EPHA5: variants seen among roughly 807,000 people sequenced by gnomAD.
EPHA5 encodes the protein EPH receptor A5.
Under a neutral mutation model 105.0 loss-of-function variants are expected in EPHA5, and 60 were observed. The ratio of observed to expected loss-of-function variants is 0.57; its 90% confidence interval spans 0.46 to 0.71. The LOEUF (loss-of-function observed/expected upper bound fraction) is 0.71. Among genes scored for constraint, EPHA5 ranks in the 30% least tolerant of loss-of-function variants. The probability of loss-of-function intolerance (pLI) is 0.00; values close to 1 mark genes in which losing one functional copy is unlikely to be tolerated. For missense variants in EPHA5, 1,218 were observed against 1,274.7 expected (o/e 0.96, Z 0.68); for synonymous variants, 513 against 449.1 (o/e 1.14, Z -1.80).
intron 16 of EPHA5, among the ~76,000 whole-genome samples, chr4:65,327,887 C>A (rs1429736887): frequency 6.6e-6 from 1 of 150,952 alleles, no homozygotes; most frequent in Non-Finnish European, 1.5e-5. Flanking sequence ...CATTTTACTA[C>A]CTAAACCACA....
intron 3 of EPHA5, among the ~76,000 whole-genome samples, chr4:65,545,451 G>A (rs1446075034): frequency 1.3e-5 from 2 of 151,912 alleles, no homozygotes; most frequent in Non-Finnish European, 2.9e-5. Context: ...AAAGAAACTT[G>A]TGATGCCAAG....
intron 5 of EPHA5, among the ~76,000 whole-genome samples, chr4:65,424,723 C>A (rs568646648): frequency 6.6e-6 from 1 of 152,068 alleles, no homozygotes; most frequent in Non-Finnish European, 1.5e-5. Flanking sequence ...AAAGTGCTTA[C>A]ACAGATGAGA....
chr4:65,591,516 G>GT (rs1742653431), intron 3 of EPHA5, among the ~76,000 whole-genome samples: 3 of 151,792 alleles, frequency 2.0e-5, no homozygotes, highest in South Asian at 4.2e-4. Context: ...CTCAGAATTA[G>GT]TTTTGTGTTC....
chr4:65,486,325 C>A (rs1399579021), intron 5 of EPHA5, among the ~76,000 whole-genome samples: 2 of 151,550 alleles, frequency 1.3e-5, no homozygotes, highest in Admixed American at 1.3e-4. Context: ...AACCATCTGG[C>A]CCTTCTTTGA....
intron 2 of EPHA5, among the ~76,000 whole-genome samples, chr4:65,605,088 T>C (rs1241012961): frequency 6.6e-6 from 1 of 152,160 alleles, no homozygotes; most frequent in African/African-American, 2.4e-5. Flanking sequence ...TCCTCCTTAT[T>C]GCCCATTCTT....
At chr4:65,498,652 A>G (rs1156321749) in intron 3 of EPHA5, among the ~76,000 whole-genome samples, 3 of 151,882 alleles carry the variant, frequency 2.0e-5, no homozygotes, top group Non-Finnish European at 4.4e-5. Flanking sequence ...ACTTAGTGGA[A>G]AATCGTAAGA....
chr4:65,633,273 A>C (rs1472269755), intron 2 of EPHA5, among the ~76,000 whole-genome samples: 1 of 151,998 alleles, frequency 6.6e-6, no homozygotes, highest in African/African-American at 2.4e-5. Context: ...GAGATTATGT[A>C]CTCAGAACCA....
At chr4:65,382,694 A>G (rs1719678157) in intron 8 of EPHA5, among the ~76,000 whole-genome samples, 2 of 151,834 alleles carry the variant, frequency 1.3e-5, no homozygotes, top group East Asian at 1.9e-4. Flanking sequence ...CTTAAAAACA[A>G]AAGTCCAGGC....
At chr4:65,539,232 A>T (rs1461952779) in intron 3 of EPHA5, among the ~76,000 whole-genome samples, 4 of 151,738 alleles carry the variant, frequency 2.6e-5, no homozygotes, top group Non-Finnish European at 5.9e-5. Flanking sequence ...GGAAACTCTG[A>T]CAAGTCTTCA....
At chr4:65,407,448 C>A (rs1466324831) in intron 7 of EPHA5, among the ~76,000 whole-genome samples, 1 of 152,014 alleles carries the variant, frequency 6.6e-6, no homozygotes, top group African/African-American at 2.4e-5. Context: ...AAGTAGTGCA[C>A]CTCTGTGTAG....
intron 3 of EPHA5, among the ~76,000 whole-genome samples, chr4:65,528,983 T>C (rs1350038733): frequency 6.6e-6 from 1 of 152,176 alleles, no homozygotes; most frequent in Non-Finnish European, 1.5e-5. Flanking sequence ...CAAGTCATGG[T>C]CTAGGAAAGC....
intron 11 of EPHA5, among the ~76,000 whole-genome samples, 192 bp from the exon 12 acceptor site, chr4:65,353,295 ATATT>A (rs1484588228): frequency 6.8e-6 from 1 of 147,308 alleles, no homozygotes; most frequent in African/African-American, 2.5e-5. Context: ...ATATTTTAAT[ATATT>A]TAATATTTTA....
At chr4:65,494,545 G>A (rs2149222766) in intron 4 of EPHA5, among the ~76,000 whole-genome samples, 1 of 152,252 alleles carries the variant, frequency 6.6e-6, no homozygotes, top group South Asian at 2.1e-4. Context: ...TTGTCATCAA[G>A]CAAACAAATG....
At chr4:65,590,099 A>T (rs138856569) in intron 3 of EPHA5, among the ~76,000 whole-genome samples, 13 of 152,284 alleles carry the variant, frequency 8.5e-5, no homozygotes, top group African/African-American at 3.1e-4. Context: ...TAACAATTCC[A>T]TCAAATAAAT....
intron 8 of EPHA5, among the ~76,000 whole-genome samples, chr4:65,383,188 T>A (rs1369188834): frequency 2.0e-5 from 3 of 148,700 alleles, no homozygotes; most frequent in Non-Finnish European, 4.5e-5. Context: ...GGTATATATG[T>A]ATCATATATA....
chr4:65,606,823 C>T (rs190000853), intron 2 of EPHA5, among the ~76,000 whole-genome samples: 134 of 152,244 alleles, frequency 8.8e-4, no homozygotes, highest in African/African-American at 3.2e-3. Flanking sequence ...AATATTACGA[C>T]CATCTTAGGG....
chr4:65,500,410 AG>A (rs1013006397), intron 3 of EPHA5, among the ~76,000 whole-genome samples: 22 of 151,362 alleles, frequency 1.5e-4, no homozygotes, highest in African/African-American at 4.8e-4. Context: ...CCATTTCCAT[AG>A]TATATATGCT....
At chr4:65,575,488 G>T (rs1740804113) in intron 3 of EPHA5, among the ~76,000 whole-genome samples, 1 of 152,138 alleles carries the variant, frequency 6.6e-6, no homozygotes, top group African/African-American at 2.4e-5. Flanking sequence ...CTAACACTCT[G>T]CAAAGAGATG....
chr4:65,653,434 G>A (rs1748782373), intron 1 of EPHA5, among the ~76,000 whole-genome samples: 1 of 152,018 alleles, frequency 6.6e-6, no homozygotes. Context: ...AAGTAACACA[G>A]ACAAAAATAC....
Sources: gnomAD v4.1 joint callset for allele counts (sites outside exome capture counted in the v4.1 genomes callset) on GRCh38, gnomAD v4.1.1 for gene constraint, MANE v1.5 for transcripts, NCBI Gene and HGNC (gene_info 2026-07-23, HGNC 2026-07-21) for gene names.